The following UBR7 variants were observed in gnomAD, a reference collection of about 807,000 sequenced individuals.
The protein encoded by UBR7 is putative E3 ubiquitin-protein ligase UBR7.
In UBR7, 22 loss-of-function variants were observed where a neutral mutation model predicts 57.0. That is an observed-to-expected ratio of 0.39 (90% CI 0.28 to 0.55). The LOEUF is 0.55. Among genes scored for constraint, UBR7 ranks in the 20% least tolerant of loss-of-function variants. The probability of loss-of-function intolerance (pLI) is 0.69; values close to 1 mark genes in which losing one functional copy is unlikely to be tolerated. For missense variants in UBR7, 395 were observed against 513.2 expected, an observed-to-expected ratio of 0.77 and a Z score of 2.23; for synonymous variants, 167 against 179.8, an observed-to-expected ratio of 0.93 and a Z score of 0.57.
intron 6 of UBR7, among the ~76,000 whole-genome samples, chr14:93,217,241 G>T (rs1244576534): frequency 6.6e-6 from 1 of 152,154 alleles, no homozygotes; most frequent in Non-Finnish European, 1.5e-5. Context: ...TGGCCAGGCT[G>T]GTCTCGAACT....
intron 8 of UBR7, among the ~76,000 whole-genome samples, chr14:93,219,973 C>CAA (rs11442565): frequency 0.017 from 2,358 of 142,476 alleles, 27 homozygotes; most frequent in South Asian, 0.057. Context: ...AACTCCATCT[C>CAA]AAAAAAAAAA....
chr14:93,212,215 C>T (rs968802228), intron 4 of UBR7, 88 bp downstream of exon 4: 4 of 978,246 alleles, frequency 4.1e-6, no homozygotes, highest in East Asian at 2.6e-5. Flanking sequence ...TCTGGCTCTT[C>T]AAGAGGCAGT....
chr14:93,223,520 T>C (rs536853513), intron 10 of UBR7: 1 of 627,414 alleles, frequency 1.6e-6, no homozygotes, highest in South Asian at 1.8e-5. Context: ...TTTAGGTCAT[T>C]TTTTCCTTTT....
chr14:93,219,129 C>A, intron 7 of UBR7, 83 bp from the exon 8 acceptor site: 1 of 1,479,586 alleles, frequency 6.8e-7, no homozygotes, highest in South Asian at 1.2e-5. Context: ...TATCCTTTGC[C>A]TAAAGAAATC....
intron 6 of UBR7, among the ~76,000 whole-genome samples, chr14:93,216,131 CTTTTATAAGTCAG>C (rs1286799687): frequency 6.6e-6 from 1 of 152,190 alleles, no homozygotes; most frequent in East Asian, 1.9e-4. Flanking sequence ...GCTTGGGCCT[CTTTTATAAGTCAG>C]AGCCCTCGTG....
chr14:93,227,069 G>A lies in UBR7; in HGVS notation c.*34G>A. On this transcript the variant is annotated 3_prime_UTR_variant, in exon 11 of 11. Coordinates refer to ENST00000013070, the MANE Select transcript of UBR7 (RefSeq NM_175748.4). ...ATGAAGCTTTCTCATTCAAGCCAAT[G>A]AAAATGCGCTTCCCATTCTTGGAAT... 1 of 1,502,538 alleles carries A rather than the reference G, an allele frequency of 6.7e-7. No homozygotes were observed. The highest frequency in any genetic ancestry group is 9.2e-7 in the Non-Finnish European group (1 of 1,081,840). 93.1% of individuals were successfully genotyped at this position (1,502,538 alleles called of 1,614,324 possible).
Position 93,228,001 on chromosome 14 carries a change from TC to T in UBR7, c.*971del. 2.9e-6 allele frequency: 2 copies of T among 699,056 alleles called. No individual in the cohort carries two copies. Among genetic ancestry groups the T allele is most frequent in the East Asian group, 2.7e-5 (1 of 37,274 alleles). 43.3% of individuals were successfully genotyped at this position (699,056 alleles called of 1,614,324 possible). A position where few individuals can be genotyped will look rare whatever the true frequency, so the allele number is the denominator to read the frequency against. On this transcript the variant is annotated 3_prime_UTR_variant, in exon 11 of 11. Transcript: ENST00000013070. ...TAGAACCCCAATAAATTATTATTTT[TC>T]CCCCTTGAATCTGCTAAAGAAAACA...
rs1172435263 is a variant in UBR7, at chr14:93,227,996, A to G, written c.*961A>G. On this transcript the variant is annotated 3_prime_UTR_variant, in exon 11 of 11. Transcript: ENST00000013070. Reference sequence around the variant, plus strand: ...GTTATTAGAACCCCAATAAATTATTATTTTTCCCCCTTGAATCTGCTAAAG... The same window carrying G: ...GTTATTAGAACCCCAATAAATTATTGTTTTTCCCCCTTGAATCTGCTAAAG... 54 of 699,034 alleles carry G rather than the reference A, an allele frequency of 7.7e-5. No homozygotes were observed. In the Admixed American group the frequency reaches 1.1e-3, roughly 14 times the overall value. The allele number at this position is 699,034 out of a possible 1,614,324, so 43.3% of individuals were successfully genotyped here.
intron 10 of UBR7, chr14:93,223,852 C>T (rs1894770589): frequency 6.7e-6 from 5 of 750,208 alleles, no homozygotes; most frequent in Non-Finnish European, 7.3e-6. Flanking sequence ...CCCGGTATTC[C>T]CGGTACATGT....
At chr14:93,225,750 G>A (rs1057041097) in intron 10 of UBR7, among the ~76,000 whole-genome samples, 7 of 152,220 alleles carry the variant, frequency 4.6e-5, no homozygotes, top group African/African-American at 1.7e-4. Context: ...CTGCACGTTA[G>A]CTGTGACCAT....
At chr14:93,221,112 A>ATTTTTTTTTTTTTT (rs1160957010) in intron 9 of UBR7, among the ~76,000 whole-genome samples, 1 of 136,860 alleles carries the variant, frequency 7.3e-6, no homozygotes. Context: ...CGCCCCCCCA[A>ATTTTTTTTTTTTTT]TTTTTTTTTT....
chr14:93,207,408 C>T lies in UBR7; in HGVS notation c.117C>T (p.Gly39=). The T allele has an allele frequency of 6.4e-7, 1 of 1,552,902 alleles. No homozygotes were observed. Among genetic ancestry groups the T allele is most frequent in the East Asian group, 2.4e-5 (1 of 41,756 alleles). Residue 39 remains glycine, a synonymous_variant, in exon 1 of 11, where the codon GGC becomes GGT. Coordinates refer to ENST00000013070, the MANE Select transcript of UBR7 (RefSeq NM_175748.4). ...AGAATGAGGCGTGCGCTGTCCTGGG[C>T]GGCAGCGACTCCGAGAAGTGCTCCT... ...ELENEACAVL[G]GSDSEKCSYS...
intron 6 of UBR7, among the ~76,000 whole-genome samples, chr14:93,217,330 T>C (rs570391653): frequency 1.3e-5 from 2 of 151,998 alleles, no homozygotes; most frequent in East Asian, 1.9e-4. Flanking sequence ...CCCAGCTTAA[T>C]TGGGTTTTTT....
chr14:93,207,468 C>A lies in UBR7; in HGVS notation c.150+27C>A, dbSNP rs555821646. On this transcript the variant is annotated intron_variant, in intron 1 of 10. Coordinates refer to ENST00000013070, the MANE Select transcript of UBR7 (RefSeq NM_175748.4). ...TGGGCGCGCGGCCCGGGCCTCCTCT[C>A]CCCCGGCTCCCGCCGAACCTCCCCT... The A allele has an allele frequency of 3.9e-6, 6 of 1,520,784 alleles. No homozygotes were observed. The African/African-American group carries it at 4.2e-5, about 11-fold the overall frequency. 94.2% of individuals were successfully genotyped at this position (1,520,784 alleles called of 1,614,324 possible).
chr14:93,228,177 C>G lies in UBR7; in HGVS notation c.*1142C>G. 1 of 558,294 alleles carries G rather than the reference C, an allele frequency of 1.8e-6. No homozygotes were observed. The highest frequency in any genetic ancestry group is 3.4e-6 in the Non-Finnish European group (1 of 294,974). 34.6% of individuals were successfully genotyped at this position (558,294 alleles called of 1,614,324 possible). On this transcript the variant is annotated 3_prime_UTR_variant, in exon 11 of 11. Coordinates refer to ENST00000013070, the MANE Select transcript of UBR7 (RefSeq NM_175748.4). ...TTAATGTCCACCGCCACTTCCCTAA[C>G]GACTATGAGATCTTTTTTTTGAAGA... is the stretch of plus-strand genomic sequence containing the variant.
intron 3 of UBR7, 130 bp from the exon 4 acceptor site, chr14:93,211,897 TCCTAC>T: frequency 2.3e-5 from 16 of 691,422 alleles, no homozygotes; most frequent in African/African-American, 7.2e-5. Flanking sequence ...GTTTTTTTTT[TCCTAC>T]TTTGAAAATT....
At position 93,219,325 on chromosome 14, in the gene UBR7, C is replaced by G; in HGVS notation, c.924C>G (p.Asn308Lys). Residue 308 changes from asparagine (N) to lysine (K), a missense_variant, in exon 8 of 11, where the codon AAC becomes AAG. Transcript: ENST00000013070. ...ACACTGCCACCTATTGGCCCCTGAA[C>G]TGGCGTAGCAAGTTGTGTACCTGCC... ...KKDTATYWPL[N>K]WRSKLCTCQD... 1.9e-6 allele frequency: 3 copies of G among 1,614,220 alleles called. No homozygotes were observed. The highest frequency in any genetic ancestry group is 2.5e-6 in the Non-Finnish European group (3 of 1,180,038).
At chr14:93,209,800 C>T (rs1167698333) in intron 1 of UBR7, 24 bp from the exon 2 acceptor site, 11 of 1,612,306 alleles carry the variant, frequency 6.8e-6, no homozygotes, top group African/African-American at 1.3e-5. Flanking sequence ...CATTAATTCT[C>T]TTTTCCATTT....
intron 10 of UBR7, chr14:93,224,002 C>A: frequency 1.3e-6 from 1 of 780,248 alleles, no homozygotes; most frequent in Non-Finnish European, 2.2e-6. Context: ...ATACGAAGTA[C>A]CAGAAGTCCC....
Sources: allele counts gnomAD v4.1 joint callset (sites outside exome capture counted in the v4.1 genomes callset), GRCh38; gene constraint gnomAD v4.1.1; transcripts MANE v1.5; gene names NCBI Gene and HGNC (gene_info 2026-07-23, HGNC 2026-07-21).